SLC25A21: variants seen among roughly 807,000 people sequenced by gnomAD.
SLC25A21 encodes the protein mitochondrial 2-oxodicarboxylate carrier.
A neutral mutation model predicts 43.8 loss-of-function variants in SLC25A21; 47 were observed. That is an observed-to-expected ratio of 1.07 (90% CI 0.85 to 1.37). The LOEUF is 1.37. Ranked by LOEUF, SLC25A21 falls within the 40% of genes most tolerant of loss-of-function variation. The pLI, the probability that SLC25A21 is intolerant of heterozygous loss-of-function variation, is 0.00. For missense variants in SLC25A21, 352 were observed against 350.2 expected (o/e 1.00, Z -0.04); for synonymous variants, 131 against 121.3 (o/e 1.08, Z -0.52).
chr14:37,004,574 T>A (rs1165796917), intron 1 of SLC25A21, among the ~76,000 whole-genome samples: 1 of 152,222 alleles, frequency 6.6e-6, no homozygotes, highest in Non-Finnish European at 1.5e-5. Flanking sequence ...AAGTGGCTAA[T>A]GATTAGGTAA....
In SLC25A21 at chr14:36,708,993, A is replaced by G. The variant is rs534520700; in HGVS notation, c.603+2325T>C. Among the ~76,000 whole-genome samples, 15 of 140,988 alleles carry G rather than the reference A, an allele frequency of 1.1e-4. No homozygotes were observed. In the South Asian group the frequency reaches 3.4e-3, roughly 32 times the overall value. 92.5% of individuals were successfully genotyped at this position (140,988 alleles called of 152,430 possible). A position where few individuals can be genotyped will look rare whatever the true frequency, so the allele number is the denominator to read the frequency against. On this transcript the variant is annotated intron_variant, in intron 7 of 9. Transcript: ENST00000331299. ...TCTTTTTTAGCATATGACCATACAT[A>G]TATCTGATTAATCTTTTTTTTTTTG...
At chr14:37,160,387 T>C (rs1466530706) in intron 1 of SLC25A21, among the ~76,000 whole-genome samples, 2 of 152,138 alleles carry the variant, frequency 1.3e-5, no homozygotes. Flanking sequence ...ATTTGGCCAT[T>C]AAAAAATACT....
chr14:37,135,657 C>T lies in SLC25A21; in HGVS notation c.70+36624G>A, dbSNP rs545794885. On this transcript the variant is annotated intron_variant, in intron 1 of 9. Coordinates refer to ENST00000331299, the MANE Select transcript of SLC25A21 (RefSeq NM_030631.4). The stretch of plus-strand genomic sequence containing the variant: ...CCCTGAATTTGAATCCTATGGCATC[C>T]TCATTATTGATCTAACAAGGACACT... Among the ~76,000 whole-genome samples, 3 of 152,298 alleles carry T rather than the reference C, an allele frequency of 2.0e-5. No individual in the cohort carries two copies. In the South Asian group the frequency reaches 6.2e-4, roughly 32 times the overall value.
At chr14:36,721,761 GAGA>G (rs1382926158) in intron 6 of SLC25A21, among the ~76,000 whole-genome samples, 1 of 152,256 alleles carries the variant, frequency 6.6e-6, no homozygotes, top group East Asian at 1.9e-4. Flanking sequence ...CTGATCAGTT[GAGA>G]AGGTCTTCCC....
chr14:36,749,329 A>C (rs758766871), intron 3 of SLC25A21, among the ~76,000 whole-genome samples: 1 of 152,154 alleles, frequency 6.6e-6, no homozygotes, highest in Non-Finnish European at 1.5e-5. Context: ...CTTTCCAGTT[A>C]CTCAGGCCAG....
Position 36,874,998 on chromosome 14 carries a change from A to C in SLC25A21, c.77T>G (p.Val26Gly). The change falls in exon 2 of 10, where the codon GTA becomes GGA. Residue 26 changes from valine to glycine, a missense_variant. By Grantham distance (109) the Val-to-Gly change is moderately radical. Transcript: ENST00000331299. ...QIVAGGSAGL[V>G]EICLMHPLDV... is the part of the protein sequence containing the mutation. ...TAGGGGGTGCATCAGGCAAATTTCTACAAGACCTGAAAGATGATAAAGAAA... is the reference window on the plus strand; with the variant it reads ...TAGGGGGTGCATCAGGCAAATTTCTCCAAGACCTGAAAGATGATAAAGAAA... 6.3e-7 allele frequency: 1 copy of C among 1,592,036 alleles called. No individual in the cohort carries two copies. Among genetic ancestry groups the C allele is most frequent in the Non-Finnish European group, 8.5e-7 (1 of 1,172,246 alleles).
At chr14:36,890,431 T>C (rs1396441245) in intron 1 of SLC25A21, among the ~76,000 whole-genome samples, 1 of 152,060 alleles carries the variant, frequency 6.6e-6, no homozygotes, top group African/African-American at 2.4e-5. Context: ...AGGAGGGAAT[T>C]GAGGACATGA....
chr14:36,910,809 G>A (rs1255439708), intron 1 of SLC25A21, among the ~76,000 whole-genome samples: 2 of 152,130 alleles, frequency 1.3e-5, no homozygotes, highest in Admixed American at 6.6e-5. Flanking sequence ...TTAATGAACT[G>A]TAAAATTCTT....
intron 9 of SLC25A21, 48 bp downstream of exon 9, chr14:36,683,780 G>A (rs374245829): frequency 3.6e-5 from 49 of 1,355,646 alleles, no homozygotes; most frequent in South Asian, 5.2e-5. Context: ...AAAAAGAGAC[G>A]CTAGAACAAT....
chr14:36,767,352 G>A (rs1886453686), intron 3 of SLC25A21, among the ~76,000 whole-genome samples: 1 of 152,174 alleles, frequency 6.6e-6, no homozygotes, highest in African/African-American at 2.4e-5. Flanking sequence ...AGTGAATCCC[G>A]ACTCTTTATT....
chr14:36,821,757 C>T (rs1356475482), intron 2 of SLC25A21, among the ~76,000 whole-genome samples: 3 of 152,200 alleles, frequency 2.0e-5, no homozygotes, highest in African/African-American at 4.8e-5. Flanking sequence ...ATGGAGGTTG[C>T]AGCGAGCAGA....
Position 36,760,614 on chromosome 14 carries a change from T to A in SLC25A21, c.204-26041A>T, listed in dbSNP as rs576779870. Among the ~76,000 whole-genome samples, 41 of 152,258 alleles carry A rather than the reference T, an allele frequency of 2.7e-4. 1 individual carries two copies. The highest frequency in any genetic ancestry group is 1.5e-3 in the South Asian group (7 of 4,824). On this transcript the variant is annotated intron_variant, in intron 3 of 9. Transcript: ENST00000331299. ...CCTGAGTTTGTCTACACACACAAGA[T>A]TTTTCTGTTCTGAAACAAATGGTTT...
At chr14:37,041,588 A>AACAAT (rs1180078133) in intron 1 of SLC25A21, among the ~76,000 whole-genome samples, 1 of 152,234 alleles carries the variant, frequency 6.6e-6, no homozygotes, top group Non-Finnish European at 1.5e-5. Context: ...GAGTAAGAGC[A>AACAAT]ACAATTCCTA....
intron 3 of SLC25A21, among the ~76,000 whole-genome samples, chr14:36,766,956 C>A (rs78768352): frequency 3.9e-5 from 6 of 152,182 alleles, no homozygotes; most frequent in African/African-American, 1.4e-4. Context: ...ATATCTCCAA[C>A]GTGCCTAATA....
At chr14:36,733,537 T>C (rs1350690609) in intron 4 of SLC25A21, among the ~76,000 whole-genome samples, 2 of 152,220 alleles carry the variant, frequency 1.3e-5, no homozygotes, top group Non-Finnish European at 2.9e-5. Context: ...CATGTATATA[T>C]GTGGGTGATT....
chr14:36,857,067 A>G (rs1889921396), intron 2 of SLC25A21, among the ~76,000 whole-genome samples: 1 of 152,166 alleles, frequency 6.6e-6, no homozygotes, highest in African/African-American at 2.4e-5. Context: ...ACTCTAGAAT[A>G]CACTCTAGTA....
intron 1 of SLC25A21, among the ~76,000 whole-genome samples, chr14:37,017,564 A>C (rs542535599): frequency 6.6e-6 from 1 of 152,194 alleles, no homozygotes; most frequent in East Asian, 1.9e-4. Context: ...AAGTGAGCAC[A>C]CGCTGCTGGG....
chr14:36,833,959 C>T (rs1442190079), intron 2 of SLC25A21, among the ~76,000 whole-genome samples: 1 of 152,180 alleles, frequency 6.6e-6, no homozygotes, highest in Non-Finnish European at 1.5e-5. Context: ...ATTCAGGAGA[C>T]TCTTGATTTC....
intron 1 of SLC25A21, among the ~76,000 whole-genome samples, chr14:37,129,661 A>C (rs1963359227): frequency 6.7e-6 from 1 of 149,978 alleles, no homozygotes; most frequent in Non-Finnish European, 1.5e-5. Flanking sequence ...AATAACCATT[A>C]AGTAACAGTT....
Sources: gnomAD v4.1 joint callset for allele counts (sites outside exome capture counted in the v4.1 genomes callset) on GRCh38, gnomAD v4.1.1 for gene constraint, MANE v1.5 for transcripts, NCBI Gene and HGNC (gene_info 2026-07-23, HGNC 2026-07-21) for gene names.